Variants in GPC6 observed in about 807,000 individuals in gnomAD.
The protein encoded by GPC6 is glypican-6.
GPC6 carries 14 observed loss-of-function variants against 55.2 expected under a neutral mutation model. The ratio of observed to expected loss-of-function variants is 0.25; its 90% CI spans 0.17 to 0.40. GPC6 has a LOEUF of 0.40. Ranked by LOEUF, GPC6 falls within the 10% of genes least tolerant of loss-of-function variation. GPC6 has a pLI of 1.00. For missense variants in GPC6, 641 were observed against 708.5 expected, an observed-to-expected ratio of 0.90 and a Z score of 1.08; for synonymous variants, 278 against 259.6, an observed-to-expected ratio of 1.07 and a Z score of -0.68.
chr13:93,318,490 T>C (rs1474411504), intron 1 of GPC6, among the ~76,000 whole-genome samples: 2 of 152,082 alleles, frequency 1.3e-5, no homozygotes, highest in Non-Finnish European at 2.9e-5. Flanking sequence ...TGAGCAAATA[T>C]GTTTATCTCT....
At chr13:93,581,708 GAAAA>G (rs762495166) in intron 2 of GPC6, among the ~76,000 whole-genome samples, 6 of 151,768 alleles carry the variant, frequency 4.0e-5, no homozygotes, top group Non-Finnish European at 5.9e-5. Flanking sequence ...TGTCTCAAAA[GAAAA>G]AAAGAAAATC....
At chr13:94,133,209 G>C (rs573737180) in intron 4 of GPC6, among the ~76,000 whole-genome samples, 1 of 137,876 alleles carries the variant, frequency 7.3e-6, no homozygotes, top group African/African-American at 2.7e-5. Context: ...ACTCTGTCTC[G>C]ATTCCCATGT....
intron 3 of GPC6, among the ~76,000 whole-genome samples, chr13:93,969,758 A>G (rs1346114680): frequency 6.6e-6 from 1 of 151,540 alleles, no homozygotes; most frequent in African/African-American, 2.4e-5. Flanking sequence ...GGTAGCCACC[A>G]TTCTACTCTC....
intron 1 of GPC6, among the ~76,000 whole-genome samples, chr13:93,266,356 G>A (rs753582521): frequency 2.0e-5 from 3 of 152,080 alleles, no homozygotes; most frequent in Non-Finnish European, 2.9e-5. Context: ...AATATTCATG[G>A]TGGTAGCTCA....
chr13:94,302,124 G>T (rs1259994085), intron 5 of GPC6, among the ~76,000 whole-genome samples: 1 of 152,128 alleles, frequency 6.6e-6, no homozygotes, highest in African/African-American at 2.4e-5. Context: ...CTTTTTTCAG[G>T]ATAACAGATT....
intron 1 of GPC6, among the ~76,000 whole-genome samples, chr13:93,331,942 A>G (rs1008683528): frequency 1.3e-5 from 2 of 152,128 alleles, no homozygotes; most frequent in African/African-American, 2.4e-5. Flanking sequence ...GCTCCCATAT[A>G]TAAGTGATAA....
Position 94,211,302 on chromosome 13 carries a change from G to C in GPC6, c.878-75047G>C, listed in dbSNP as rs150407738. Among the ~76,000 whole-genome samples the C allele has an allele frequency of 1.7e-3, 254 of 152,246 alleles. 2 individuals carry two copies. The highest frequency in any genetic ancestry group is 5.9e-3 in the African/African-American group (245 of 41,546). On this transcript the variant is annotated intron_variant, in intron 4 of 8. Transcript: ENST00000377047. ...GAGCTTATTTATGTAGCAAGATACTGATTAGGGTATTTATTGGATACAATA... is the reference window on the plus strand; with the variant it reads ...GAGCTTATTTATGTAGCAAGATACTCATTAGGGTATTTATTGGATACAATA...
chr13:94,152,358 G>A (rs637086), intron 4 of GPC6, among the ~76,000 whole-genome samples: 1 of 151,906 alleles, frequency 6.6e-6, no homozygotes, highest in African/African-American at 2.4e-5. Context: ...TCATTGCTTG[G>A]GTGATCTTGG....
intron 3 of GPC6, among the ~76,000 whole-genome samples, chr13:93,952,578 A>G (rs1273086518): frequency 6.6e-6 from 1 of 151,920 alleles, no homozygotes; most frequent in Non-Finnish European, 1.5e-5. Flanking sequence ...GCTTGCATTC[A>G]AACACTTATA....
rs1170217560 is a variant in GPC6 at position 93,595,931 on chromosome 13, A to T, written c.319+50510A>T. ...GATGTATAAATATTTAATAGAATTA[A>T]GACTTACTAAATCTATTTTTGAATA... On this transcript the variant is annotated intron_variant, in intron 2 of 8. Transcript: ENST00000377047. Among the ~76,000 whole-genome samples, 5 of 152,338 alleles carry T rather than the reference A, an allele frequency of 3.3e-5. No homozygotes were observed. The East Asian group carries it at 7.7e-4, about 24-fold the overall frequency.
chr13:94,079,075 TA>T (rs1050526227), intron 4 of GPC6, among the ~76,000 whole-genome samples: 3 of 151,852 alleles, frequency 2.0e-5, no homozygotes, highest in African/African-American at 4.8e-5. Flanking sequence ...ATAATACAAA[TA>T]AAAAACAGTA....
intron 3 of GPC6, among the ~76,000 whole-genome samples, chr13:93,991,109 A>T (rs1881285667): frequency 6.6e-6 from 1 of 152,172 alleles, no homozygotes; most frequent in South Asian, 2.1e-4. Context: ...AGATGAACAC[A>T]TATAGTTGTG....
chr13:93,652,411 A>G (rs1222033890), intron 2 of GPC6, among the ~76,000 whole-genome samples: 1 of 152,142 alleles, frequency 6.6e-6, no homozygotes, highest in Non-Finnish European at 1.5e-5. Flanking sequence ...ACCCATAATT[A>G]TATGTGCATT....
chr13:93,737,393 A>G (rs1034629453), intron 2 of GPC6, among the ~76,000 whole-genome samples: 1 of 152,186 alleles, frequency 6.6e-6, no homozygotes, highest in African/African-American at 2.4e-5. Context: ...AGTACATTAA[A>G]GATAGATAGC....
At chr13:93,686,201 G>T (rs1038286344) in intron 2 of GPC6, among the ~76,000 whole-genome samples, 1 of 151,990 alleles carries the variant, frequency 6.6e-6, no homozygotes, top group Admixed American at 6.6e-5. Context: ...TAACCCAGTT[G>T]CCTTCACCTT....
chr13:93,955,001 A>G (rs1323890826), intron 3 of GPC6, among the ~76,000 whole-genome samples: 2 of 152,058 alleles, frequency 1.3e-5, no homozygotes, highest in African/African-American at 4.8e-5. Flanking sequence ...CACCAGTGAC[A>G]TCTGCCCACT....
rs577849354 is a variant in GPC6 at position 94,362,789 on chromosome 13, C to G, written c.1153-19625C>G. Reference sequence around the variant, plus strand: ...CAGTAAATCAATAATAAACTCTGCTCTTTGGTAATCTTTAATCCCTGCATA... The same window carrying G: ...CAGTAAATCAATAATAAACTCTGCTGTTTGGTAATCTTTAATCCCTGCATA... On this transcript the variant is annotated intron_variant, in intron 6 of 8. Transcript: ENST00000377047. Among the ~76,000 whole-genome samples, 14 of 152,258 alleles carry G rather than the reference C, an allele frequency of 9.2e-5. No individual in the cohort carries two copies. In the South Asian group the frequency reaches 1.9e-3, roughly 20 times the overall value.
At position 93,853,273 on chromosome 13, in the gene GPC6, G is replaced by A. The variant is rs981699354; in HGVS notation, c.711+22728G>A. On this transcript the variant is annotated intron_variant, in intron 3 of 8. Transcript: ENST00000377047. ...GCCTATATGTAATCTTTTCTTCTTG[G>A]TACAATGCATCGGTGTGAACAACGC... is the stretch of plus-strand genomic sequence containing the variant. Among the ~76,000 whole-genome samples, 5 of 151,488 alleles carry A rather than the reference G, an allele frequency of 3.3e-5. 1 individual carries two copies. Among genetic ancestry groups the A allele is most frequent in the Non-Finnish European group, 7.4e-5 (5 of 67,714 alleles).
rs75169273 is a variant in GPC6, at chr13:94,245,422, T to C, written c.878-40927T>C. Among the ~76,000 whole-genome samples the C allele has an allele frequency of 3.8e-3, 574 of 151,694 alleles. 2 individuals carry two copies. The highest frequency in any genetic ancestry group is 0.013 in the African/African-American group (557 of 41,376). On this transcript the variant is annotated intron_variant, in intron 4 of 8. Transcript: ENST00000377047. ...AAAATAAAAAAAAAAATTTAAAAGC[T>C]AGCCAGGTAAGGTGGCACATTCCTA...
Sources: gnomAD v4.1 joint callset for allele counts (sites outside exome capture counted in the v4.1 genomes callset) on GRCh38, gnomAD v4.1.1 for gene constraint, MANE v1.5 for transcripts, NCBI Gene and HGNC (gene_info 2026-07-23, HGNC 2026-07-21) for gene names.